The following LRRC4C variants were observed in gnomAD, a reference collection of about 807,000 sequenced individuals.
The protein encoded by LRRC4C is leucine-rich repeat-containing protein 4C.
Under a neutral mutation model 33.6 loss-of-function variants are expected in LRRC4C, and 5 were observed. That is an observed-to-expected ratio of 0.15 (90% CI 0.08 to 0.31). LRRC4C has a LOEUF of 0.31. LRRC4C is among the 10% of genes least tolerant of loss of function. The pLI, the probability that LRRC4C is intolerant of heterozygous loss-of-function variation, is 1.00. For synonymous variants in LRRC4C, 329 were observed against 302.0 expected (o/e 1.09, Z -0.93); for missense variants, 560 against 796.7 (o/e 0.70, Z 3.58).
At chr11:40,454,175 T>G (rs1049266430) in intron 3 of LRRC4C, among the ~76,000 whole-genome samples, 6 of 145,788 alleles carry the variant, frequency 4.1e-5, no homozygotes, top group Non-Finnish European at 7.4e-5. Flanking sequence ...GATTAAAGTT[T>G]TTTTTTTTTT....
chr11:40,499,156 G>A (rs1482286676), intron 3 of LRRC4C, among the ~76,000 whole-genome samples: 1 of 152,162 alleles, frequency 6.6e-6, no homozygotes, highest in Non-Finnish European at 1.5e-5. Flanking sequence ...ATGGGAAAAT[G>A]AGATGTCAGC....
chr11:40,904,526 G>T (rs909444496), intron 2 of LRRC4C, among the ~76,000 whole-genome samples: 9 of 152,124 alleles, frequency 5.9e-5, no homozygotes, highest in Non-Finnish European at 1.3e-4. Context: ...AGAAGAGGGG[G>T]AAATCTACCC....
chr11:40,665,323 AAAATAT>A (rs1441023570), intron 2 of LRRC4C, among the ~76,000 whole-genome samples: 33 of 10,906 alleles, frequency 3.0e-3, no homozygotes, highest in South Asian at 8.6e-3. Context: ...AAAAAAAAAA[AAAATAT>A]ATATATATAT....
chr11:40,924,112 G>C (rs1388098538), intron 2 of LRRC4C, among the ~76,000 whole-genome samples: 3 of 128,988 alleles, frequency 2.3e-5, no homozygotes, highest in Non-Finnish European at 5.3e-5. Context: ...GTGTGTGTGT[G>C]TGTGTGTGTG....
rs950819980 is a variant in LRRC4C at position 41,399,047 on chromosome 11, C to T, written c.-496+60384G>A. 2.6e-5 allele frequency among the ~76,000 whole-genome samples: 4 copies of T among 152,028 alleles called. No individual in the cohort carries two copies. In the South Asian group the frequency reaches 8.3e-4, roughly 32 times the overall value. ...TAAGATTTACAATACACAATATAGA[C>T]CATTCTAGAAAGAACTGACCAAAGC... On this transcript the variant is annotated intron_variant, in intron 1 of 6. Coordinates refer to ENST00000528697, the MANE Select transcript of LRRC4C (RefSeq NM_001258419.2).
At chr11:40,408,532 G>T (rs1280993756) in intron 3 of LRRC4C, among the ~76,000 whole-genome samples, 1 of 151,782 alleles carries the variant, frequency 6.6e-6, no homozygotes, top group African/African-American at 2.4e-5. Context: ...ATAATTATTA[G>T]AAAAGGATAG....
chr11:40,775,497 G>A (rs1949954800), intron 2 of LRRC4C, among the ~76,000 whole-genome samples: 1 of 151,980 alleles, frequency 6.6e-6, no homozygotes, highest in South Asian at 2.1e-4. Flanking sequence ...GCATGTGAAA[G>A]TTAGATGCAT....
chr11:40,127,803 T>A (rs745454585), intron 6 of LRRC4C, among the ~76,000 whole-genome samples: 65 of 152,152 alleles, frequency 4.3e-4, no homozygotes, highest in Non-Finnish European at 6.6e-4. Context: ...AAAATTAGCT[T>A]CTGCATATGG....
chr11:40,460,567 G>T (rs1007062863), intron 3 of LRRC4C, among the ~76,000 whole-genome samples: 1 of 152,080 alleles, frequency 6.6e-6, no homozygotes, highest in Non-Finnish European at 1.5e-5. Context: ...CCTAACAAAA[G>T]TAAACATTTT....
At chr11:40,839,245 C>CT (rs1272150176) in intron 2 of LRRC4C, among the ~76,000 whole-genome samples, 2 of 151,722 alleles carry the variant, frequency 1.3e-5, no homozygotes, top group African/African-American at 4.8e-5. Flanking sequence ...CTTTTCTTTT[C>CT]TTTTTTTGAG....
At chr11:41,307,465 C>A (rs1398776026) in intron 1 of LRRC4C, among the ~76,000 whole-genome samples, 1 of 152,178 alleles carries the variant, frequency 6.6e-6, no homozygotes, top group African/African-American at 2.4e-5. Context: ...AATTGAGAAG[C>A]TTTTCATGAG....
intron 2 of LRRC4C, among the ~76,000 whole-genome samples, chr11:40,896,640 A>G (rs192538009): frequency 6.6e-6 from 1 of 152,080 alleles, no homozygotes; most frequent in East Asian, 1.9e-4. Context: ...TGTAGATAAG[A>G]GTAAAATCAT....
At chr11:41,218,436 C>T (rs1947157236) in intron 1 of LRRC4C, among the ~76,000 whole-genome samples, 1 of 152,202 alleles carries the variant, frequency 6.6e-6, no homozygotes, top group Non-Finnish European at 1.5e-5. Flanking sequence ...ATAATCTCAG[C>T]ACACCTGTGA....
At chr11:40,264,943 A>T (rs1206877189) in intron 4 of LRRC4C, among the ~76,000 whole-genome samples, 1 of 152,210 alleles carries the variant, frequency 6.6e-6, no homozygotes, top group Non-Finnish European at 1.5e-5. Context: ...TACACTGTCC[A>T]GTATTGCTTT....
chr11:41,213,214 A>C (rs1227907117), intron 1 of LRRC4C, among the ~76,000 whole-genome samples: 1 of 152,240 alleles, frequency 6.6e-6, no homozygotes, highest in Non-Finnish European at 1.5e-5. Context: ...CACATGTTAT[A>C]AACTAAACAG....
chr11:40,937,233 A>G (rs1957942858), intron 1 of LRRC4C, among the ~76,000 whole-genome samples: 1 of 144,708 alleles, frequency 6.9e-6, no homozygotes, highest in Non-Finnish European at 1.5e-5. Flanking sequence ...CAAATACAGA[A>G]TGTTCTCACT....
chr11:41,131,520 G>A (rs1227925191), intron 1 of LRRC4C, among the ~76,000 whole-genome samples: 9 of 151,936 alleles, frequency 5.9e-5, no homozygotes, highest in South Asian at 2.1e-4. Context: ...TTTGTTATAC[G>A]TGCTTGAAAT....
intron 2 of LRRC4C, among the ~76,000 whole-genome samples, chr11:40,899,301 T>G (rs908666438): frequency 6.6e-6 from 1 of 152,122 alleles, no homozygotes; most frequent in Non-Finnish European, 1.5e-5. Flanking sequence ...TATGACTCAG[T>G]TTTCTCCAGT....
At chr11:41,131,267 T>C (rs1942998863) in intron 1 of LRRC4C, among the ~76,000 whole-genome samples, 1 of 152,032 alleles carries the variant, frequency 6.6e-6, no homozygotes, top group East Asian at 1.9e-4. Flanking sequence ...ATTTCTATTT[T>C]CCATTATAAT....
Sources: gnomAD v4.1 joint callset for allele counts (sites outside exome capture counted in the v4.1 genomes callset) on GRCh38, gnomAD v4.1.1 for gene constraint, MANE v1.5 for transcripts, NCBI Gene and HGNC (gene_info 2026-07-23, HGNC 2026-07-21) for gene names.